The following TRAPPC12 variants were observed in gnomAD, a reference collection of about 807,000 sequenced individuals.
TRAPPC12 encodes the protein trafficking protein particle complex subunit 12.
Under a neutral mutation model 69.2 loss-of-function variants are expected in TRAPPC12, and 61 were observed. That is an observed-to-expected ratio of 0.88 (90% confidence interval 0.72 to 1.09). TRAPPC12 has a LOEUF of 1.09. Ranked by LOEUF, TRAPPC12 falls within the 50% of genes least tolerant of loss-of-function variation. The probability of loss-of-function intolerance (pLI) is 0.00; values close to 1 mark genes in which losing one functional copy is unlikely to be tolerated. For missense variants in TRAPPC12, 1,101 were observed against 1,016.4 expected, an observed-to-expected ratio of 1.08 and a Z score of -1.13; for synonymous variants, 469 against 438.9, an observed-to-expected ratio of 1.07 and a Z score of -0.86.
intron 1 of TRAPPC12, among the ~76,000 whole-genome samples, chr2:3,385,091 A>G (rs1445719479): frequency 6.6e-6 from 1 of 152,214 alleles, no homozygotes; most frequent in Non-Finnish European, 1.5e-5. Context: ...TATATAATTT[A>G]TATAGATGTA....
intron 2 of TRAPPC12, among the ~76,000 whole-genome samples, chr2:3,394,383 G>T (rs942963652): frequency 6.6e-6 from 1 of 152,186 alleles, no homozygotes; most frequent in Non-Finnish European, 1.5e-5. Flanking sequence ...AGCACTTTGG[G>T]AGTCCGAGGT....
At chr2:3,391,030 A>T (rs992761827) in intron 2 of TRAPPC12, among the ~76,000 whole-genome samples, 1 of 152,248 alleles carries the variant, frequency 6.6e-6, no homozygotes, top group African/African-American at 2.4e-5. Context: ...AAATCAGGAC[A>T]GAAGATAGCA....
chr2:3,450,888 G>A (rs11127426), intron 6 of TRAPPC12, among the ~76,000 whole-genome samples: 25,889 of 151,678 alleles, frequency 0.17, 2,528 homozygotes, highest in Middle Eastern at 0.32. Flanking sequence ...CCCACGACCC[G>A]TGACAGCTGC....
rs1021179375 is a variant in TRAPPC12, at chr2:3,479,023, G to C, written c.1965+90G>C. On this transcript the variant is annotated intron_variant, in intron 11 of 11. Transcript: ENST00000324266. ...CACACACGTCTCAGCAGGGGCCTGC[G>C]CTCTCTCTCTCCAGTCCACCAGCTC... 8.1e-6 allele frequency: 12 copies of C among 1,489,908 alleles called. No homozygotes were observed. In the Admixed American group the frequency reaches 2.0e-4, roughly 25 times the overall value. 92.3% of individuals were successfully genotyped at this position (1,489,908 alleles called of 1,614,324 possible). A position where few individuals can be genotyped will look rare whatever the true frequency, so the allele number is the denominator to read the frequency against.
intron 5 of TRAPPC12, among the ~76,000 whole-genome samples, chr2:3,440,958 T>G (rs188927275): frequency 4.5e-4 from 68 of 152,366 alleles, no homozygotes. Flanking sequence ...TTATGTTAAT[T>G]GATTTTGGAA....
chr2:3,420,782 G>C (rs938872201), intron 3 of TRAPPC12, among the ~76,000 whole-genome samples: 3 of 152,236 alleles, frequency 2.0e-5, no homozygotes, highest in African/African-American at 7.2e-5. Flanking sequence ...TCCCGGCGTG[G>C]AGTGCAGGAG....
intron 9 of TRAPPC12, among the ~76,000 whole-genome samples, chr2:3,471,358 C>A (rs562689303): frequency 6.6e-6 from 1 of 152,148 alleles, no homozygotes; most frequent in Non-Finnish European, 1.5e-5. Context: ...ATCCATCTCC[C>A]CCCTCGGCCT....
chr2:3,409,680 G>A (rs905565888), intron 3 of TRAPPC12, among the ~76,000 whole-genome samples: 6 of 149,252 alleles, frequency 4.0e-5, no homozygotes, highest in East Asian at 2.0e-4. Flanking sequence ...AGCCCAGGCC[G>A]TGGAGGCTGC....
chr2:3,459,149 C>T (rs768393174), intron 7 of TRAPPC12, among the ~76,000 whole-genome samples: 19 of 152,362 alleles, frequency 1.2e-4, no homozygotes, highest in Non-Finnish European at 2.8e-4. Context: ...TCCTAAATCA[C>T]AGCCTCAGAG....
At chr2:3,478,003 G>T (rs1161914476) in intron 10 of TRAPPC12, 8 of 432,894 alleles carry the variant, frequency 1.8e-5, no homozygotes, top group Non-Finnish European at 2.9e-5. Flanking sequence ...TGATTTTTAA[G>T]GAGCTATTCC....
intron 2 of TRAPPC12, among the ~76,000 whole-genome samples, chr2:3,397,151 T>A (rs1032691475): frequency 1.9e-4 from 29 of 152,226 alleles, no homozygotes; most frequent in Admixed American, 1.8e-3. Flanking sequence ...GGATTTCAGG[T>A]TGTGTGTCTA....
At position 3,414,136 on chromosome 2, in the gene TRAPPC12, T is replaced by C. The variant is rs935463217; in HGVS notation, c.1165-7745T>C. On this transcript the variant is annotated intron_variant, in intron 3 of 11. Transcript: ENST00000324266. The surrounding 1 kb of genome is among the most constrained non-coding windows in gnomAD (Gnocchi z 4.9). ...TTTTTAAGCTATCTAAAATGTTTTATCATAAATTTAAATGGTTTCAAAGGA... is the reference window on the plus strand; with the variant it reads ...TTTTTAAGCTATCTAAAATGTTTTACCATAAATTTAAATGGTTTCAAAGGA... Among the ~76,000 whole-genome samples, 1 of 152,222 alleles carries C rather than the reference T, an allele frequency of 6.6e-6. No homozygotes were observed. The highest frequency in any genetic ancestry group is 1.5e-5 in the Non-Finnish European group (1 of 68,048).
intron 3 of TRAPPC12, among the ~76,000 whole-genome samples, chr2:3,415,808 GCA>G (rs1441412190): frequency 6.7e-6 from 1 of 148,676 alleles, no homozygotes; most frequent in Non-Finnish European, 1.5e-5. Context: ...GCTCCACCTT[GCA>G]GGTTCACACC....
intron 8 of TRAPPC12, among the ~76,000 whole-genome samples, chr2:3,465,316 A>G (rs1665748473): frequency 6.6e-6 from 1 of 152,200 alleles, no homozygotes; most frequent in African/African-American, 2.4e-5. Flanking sequence ...GAAGCAGGAA[A>G]CAGACCCTCA....
chr2:3,458,024 G>T (rs1665261782), intron 7 of TRAPPC12: 15 of 1,142,386 alleles, frequency 1.3e-5, no homozygotes, highest in Non-Finnish European at 1.6e-5. Context: ...GGCCCAGAGG[G>T]GCCTCTGCGT....
intron 7 of TRAPPC12, chr2:3,458,590 G>A: frequency 3.2e-6 from 1 of 309,176 alleles, no homozygotes. Context: ...GTGTGCATGT[G>A]TGTGCACTTG....
In TRAPPC12 at chr2:3,387,817, A is replaced by C; in HGVS notation, c.194A>C (p.His65Pro). The change falls in exon 2 of 12, where the codon CAC becomes CCC. Residue 65 changes from histidine to proline, a missense_variant. Physicochemically the swap from His to Pro is moderately conservative, Grantham distance 77. Transcript: ENST00000324266. ...SSPLADKLNE[H>P]MMESVLISDS... ...CCTCTCGCGGACAAGCTGAACGAAC[A>C]CATGATGGAGAGCGTCCTCATCTCT... 6.2e-7 allele frequency: 1 copy of C among 1,613,304 alleles called. No homozygotes were observed. The highest frequency in any genetic ancestry group is 8.5e-7 in the Non-Finnish European group (1 of 1,179,506).
intron 5 of TRAPPC12, among the ~76,000 whole-genome samples, chr2:3,431,965 C>T (rs1202693814): frequency 6.6e-6 from 1 of 152,188 alleles, no homozygotes; most frequent in Non-Finnish European, 1.5e-5. Flanking sequence ...TTACCCCTCT[C>T]GTTCCAAAGA....
intron 3 of TRAPPC12, among the ~76,000 whole-genome samples, chr2:3,407,966 C>T (rs1033305926): frequency 1.3e-5 from 2 of 152,132 alleles, no homozygotes; most frequent in African/African-American, 4.8e-5. Flanking sequence ...CTCACAGTAG[C>T]CACAGTCACA....
Sources: gnomAD v4.1 joint callset for allele counts (sites outside exome capture counted in the v4.1 genomes callset) on GRCh38, gnomAD v4.1.1 for gene constraint, Gnocchi (gnomAD v3.1) non-coding constraint, MANE v1.5 for transcripts, NCBI Gene and HGNC (gene_info 2026-07-23, HGNC 2026-07-21) for gene names.